Variants in LIN52 observed in about 807,000 individuals in gnomAD.
The protein encoded by LIN52 is lin-52 DREAM MuvB core complex component.
In LIN52, 4 loss-of-function variants were observed where a neutral mutation model predicts 18.5. That is an observed-to-expected ratio of 0.22 (90% CI 0.11 to 0.49). The LOEUF is 0.49. Ranked by LOEUF, LIN52 falls within the 20% of genes least tolerant of loss-of-function variation. LIN52 has a pLI of 0.97. For synonymous variants in LIN52, 34 were observed against 45.5 expected (o/e 0.75, Z 1.02); for missense variants, 102 against 139.5 (o/e 0.73, Z 1.35).
At chr14:74,122,108 A>C (rs2061003646) in intron 5 of LIN52, among the ~76,000 whole-genome samples, 1 of 152,260 alleles carries the variant, frequency 6.6e-6, no homozygotes, top group South Asian at 2.1e-4. Context: ...AACCCAAATT[A>C]AAAGAACAGG....
chr14:74,124,746 G>A (rs2061018486), intron 5 of LIN52, among the ~76,000 whole-genome samples: 1 of 147,876 alleles, frequency 6.8e-6, no homozygotes, highest in African/African-American at 2.5e-5. Flanking sequence ...GGGAGGTGGA[G>A]GTTGCAGTGA....
At position 74,158,117 on chromosome 14, in the gene LIN52, A is replaced by ATT. The variant is rs200413319; in HGVS notation, c.284-40804_284-40803insTT. ...TCTATCATCACTGCTATATATATAT[A>ATT]TATATATATTTTTTTGAGATAGAGT... On this transcript the variant is annotated intron_variant, in intron 5 of 5. Transcript: ENST00000555028. Among the ~76,000 whole-genome samples, 251 of 62,678 alleles carry ATT rather than the reference A, an allele frequency of 4.0e-3. 1 individual carries two copies. The highest frequency in any genetic ancestry group is 9.0e-3 in the South Asian group (28 of 3,128). The allele number at this position is 62,678 out of a possible 152,430, so 41.1% of individuals were successfully genotyped here.
Position 74,143,611 on chromosome 14 carries a change from G to GTT in LIN52, c.283+42381_283+42382dup, listed in dbSNP as rs60197202. 9.1e-4 allele frequency among the ~76,000 whole-genome samples: 137 copies of GTT among 150,878 alleles called. 2 individuals carry two copies. Among genetic ancestry groups the GTT allele is most frequent in the South Asian group, 4.2e-4 (2 of 4,794 alleles). On this transcript the variant is annotated intron_variant, in intron 5 of 5. Transcript: ENST00000555028. ...TTTTTAACAAAGAATTTACTGTGAAGTTTTTTTTTAACTATACAAATTATA... is the reference window on the plus strand; with the variant it reads ...TTTTTAACAAAGAATTTACTGTGAAGTTTTTTTTTTTAACTATACAAATTATA...
chr14:74,147,525 C>T (rs927839859), intron 5 of LIN52, among the ~76,000 whole-genome samples: 3 of 152,202 alleles, frequency 2.0e-5, no homozygotes, highest in South Asian at 2.1e-4. Context: ...TGGTGACTTA[C>T]GCCTGAAATC....
intron 5 of LIN52, among the ~76,000 whole-genome samples, chr14:74,156,550 A>G (rs11849995): frequency 0.029 from 4,447 of 152,276 alleles, 221 homozygotes; most frequent in African/African-American, 0.1. Context: ...TGTGAGTTAT[A>G]GGGTGATATT....
In LIN52 at chr14:74,201,371, T is replaced by G. The variant is rs1595198098; in HGVS notation, c.*2394T>G. 1 of 152,190 alleles carries G rather than the reference T, an allele frequency of 6.6e-6. No homozygotes were observed. Among genetic ancestry groups the G allele is most frequent in the African/African-American group, 2.4e-5 (1 of 41,438 alleles). 9.4% of individuals were successfully genotyped at this position (152,190 alleles called of 1,614,324 possible). ...TAATGGATAGTTGGGGGCTTTACAG[T>G]CATCTACTTGGTCTCCTGCCTTCCA... On this transcript the variant is annotated 3_prime_UTR_variant, in exon 6 of 6. Coordinates refer to ENST00000555028, the MANE Select transcript of LIN52 (RefSeq NM_001024674.3).
In LIN52 at chr14:74,190,789, G is replaced by C. The variant is rs114064923; in HGVS notation, c.284-8133G>C. 2.5e-3 allele frequency among the ~76,000 whole-genome samples: 382 copies of C among 152,294 alleles called. 2 individuals carry two copies. The highest frequency in any genetic ancestry group is 9.0e-3 in the African/African-American group (372 of 41,558). ...AGTAAGATTTACACCAAAGACTGTT[G>C]CTAGTGTATACTTCTCCACAAGAGT... On this transcript the variant is annotated intron_variant, in intron 5 of 5. Coordinates refer to ENST00000555028, the MANE Select transcript of LIN52 (RefSeq NM_001024674.3).
At chr14:74,088,184 G>A (rs2060748351) in intron 1 of LIN52, among the ~76,000 whole-genome samples, 1 of 152,056 alleles carries the variant, frequency 6.6e-6, no homozygotes. Flanking sequence ...TCCGCCTCCT[G>A]GGTTCAAGTA....
At chr14:74,086,352 A>G (rs760364476) in intron 1 of LIN52, among the ~76,000 whole-genome samples, 2 of 152,140 alleles carry the variant, frequency 1.3e-5, no homozygotes, top group South Asian at 2.1e-4. Context: ...GCGCAGGTAC[A>G]TACTGTATTA....
intron 5 of LIN52, among the ~76,000 whole-genome samples, chr14:74,168,110 T>C (rs2061257337): frequency 6.6e-6 from 1 of 152,250 alleles, no homozygotes; most frequent in African/African-American, 2.4e-5. Flanking sequence ...AACTATAGAA[T>C]GTTATGAGAT....
chr14:74,182,577 C>T (rs11628710), intron 5 of LIN52, among the ~76,000 whole-genome samples: 91,557 of 151,774 alleles, frequency 0.6, 28,674 homozygotes, highest in Admixed American at 0.68. Flanking sequence ...ATTGGATTAG[C>T]GAGGTCATCA....
intron 5 of LIN52, among the ~76,000 whole-genome samples, chr14:74,164,376 C>T (rs754739194): frequency 6.6e-6 from 1 of 151,908 alleles, no homozygotes; most frequent in East Asian, 1.9e-4. Context: ...CCTCTGTCTC[C>T]TGGGTTCAAG....
At chr14:74,146,823 G>T (rs1003638687) in intron 5 of LIN52, among the ~76,000 whole-genome samples, 2 of 152,100 alleles carry the variant, frequency 1.3e-5, no homozygotes, top group African/African-American at 4.8e-5. Flanking sequence ...GTGGCATAAG[G>T]ATAGCCATAT....
intron 5 of LIN52, among the ~76,000 whole-genome samples, chr14:74,190,192 C>T (rs1454368552): frequency 6.6e-6 from 1 of 152,064 alleles, no homozygotes; most frequent in Non-Finnish European, 1.5e-5. Flanking sequence ...CCACTGCACG[C>T]TTTTGGAAGA....
Position 74,114,269 on chromosome 14 carries a change from A to T in LIN52, c.283+13031A>T, listed in dbSNP as rs1055716261. ...TCTATCTTAAGCATTTTCCTGTGTC[A>T]TTAAAAGTTCTACCACTGAAGATTT... On this transcript the variant is annotated intron_variant, in intron 5 of 5. Transcript: ENST00000555028. 10 of 983,700 alleles carry T rather than the reference A, an allele frequency of 1.0e-5. No individual in the cohort carries two copies. The African/African-American group carries it at 1.6e-4, about 16-fold the overall frequency. The allele number at this position is 983,700 out of a possible 1,614,324, so 60.9% of individuals were successfully genotyped here. A position where few individuals can be genotyped will look rare whatever the true frequency, so the allele number is the denominator to read the frequency against.
intron 5 of LIN52, among the ~76,000 whole-genome samples, chr14:74,113,476 G>C (rs954628480): frequency 1.3e-5 from 2 of 152,144 alleles, no homozygotes; most frequent in African/African-American, 4.8e-5. Context: ...TCTAGGTAGA[G>C]TGAATGTTAA....
At chr14:74,126,946 A>G (rs1490574991) in intron 5 of LIN52, among the ~76,000 whole-genome samples, 2 of 152,254 alleles carry the variant, frequency 1.3e-5, no homozygotes, top group African/African-American at 4.8e-5. Flanking sequence ...AATTTAAAAT[A>G]TTATTACATA....
intron 5 of LIN52, among the ~76,000 whole-genome samples, chr14:74,168,403 T>G (rs2061258145): frequency 6.6e-6 from 1 of 152,202 alleles, no homozygotes; most frequent in African/African-American, 2.4e-5. Context: ...GCGCGGTGGC[T>G]CACGCCTGTA....
intron 5 of LIN52, among the ~76,000 whole-genome samples, chr14:74,154,279 T>C (rs1430232002): frequency 6.6e-6 from 1 of 152,180 alleles, no homozygotes; most frequent in Non-Finnish European, 1.5e-5. Flanking sequence ...TTGTAGAATG[T>C]CCCTCAGTTG....
Sources: gnomAD v4.1 joint callset for allele counts (sites outside exome capture counted in the v4.1 genomes callset) on GRCh38, gnomAD v4.1.1 for gene constraint, MANE v1.5 for transcripts, NCBI Gene and HGNC (gene_info 2026-07-23, HGNC 2026-07-21) for gene names.